The following LIN28B variants were observed in gnomAD, a reference collection of about 807,000 sequenced individuals.
LIN28B encodes lin-28 RNA binding posttranscriptional regulator B.
LIN28B carries 5 observed loss-of-function variants against 21.9 expected under a neutral mutation model. The observed-to-expected ratio is 0.23, with a 90% confidence interval of 0.12 to 0.48. LIN28B has a LOEUF of 0.48. LIN28B is among the 20% of genes least tolerant of loss of function. The pLI, the probability that LIN28B is intolerant of heterozygous loss-of-function variation, is 0.98. For missense variants in LIN28B, 245 were observed against 310.5 expected, an observed-to-expected ratio of 0.79 and a Z score of 1.58; for synonymous variants, 109 against 111.3, an observed-to-expected ratio of 0.98 and a Z score of 0.13.
intron 2 of LIN28B, among the ~76,000 whole-genome samples, chr6:105,014,318 A>T (rs371076153): frequency 2.2e-4 from 33 of 151,940 alleles, no homozygotes; most frequent in African/African-American, 8.0e-4. Flanking sequence ...TAGCCAATTT[A>T]AAAAATATTT....
chr6:104,963,884 A>T (rs1329845327), intron 2 of LIN28B, among the ~76,000 whole-genome samples: 1 of 152,246 alleles, frequency 6.6e-6, no homozygotes. Context: ...AAATAAAAAT[A>T]TGAGTGTCAA....
At chr6:105,071,975 AT>A (rs1772341287) in intron 3 of LIN28B, among the ~76,000 whole-genome samples, 1 of 152,188 alleles carries the variant, frequency 6.6e-6, no homozygotes, top group African/African-American at 2.4e-5. Context: ...AGTGTAAAGA[AT>A]CTGGATTGGA....
intron 3 of LIN28B, among the ~76,000 whole-genome samples, chr6:105,040,844 AAAG>A (rs200903762): frequency 0.015 from 1,374 of 94,120 alleles, 22 homozygotes; most frequent in African/African-American, 0.047. Context: ...CCAAAAATTG[AAAG>A]AAGATTTTCT....
At chr6:104,953,362 C>A (rs905307269), upstream of LIN28B, among the ~76,000 whole-genome samples, 4 of 152,270 alleles carry the variant, frequency 2.6e-5, no homozygotes, top group Admixed American at 2.6e-4. Flanking sequence ...CTCTCTTTGA[C>A]CGCACTTATC....
At chr6:104,996,558 G>A (rs1770609472) in intron 2 of LIN28B, among the ~76,000 whole-genome samples, 1 of 152,162 alleles carries the variant, frequency 6.6e-6, no homozygotes, top group Non-Finnish European at 1.5e-5. Context: ...CAAATGTTGG[G>A]TGTTGTTAGG....
chr6:105,000,796 C>A (rs1770703772), intron 2 of LIN28B, among the ~76,000 whole-genome samples: 1 of 152,090 alleles, frequency 6.6e-6, no homozygotes, highest in Admixed American at 6.5e-5. Context: ...CTAATTCTTA[C>A]AACAACCCTA....
chr6:105,014,257 C>T (rs923335138), intron 2 of LIN28B, among the ~76,000 whole-genome samples: 2 of 152,178 alleles, frequency 1.3e-5, no homozygotes, highest in Non-Finnish European at 2.9e-5. Context: ...AAGTGATCCT[C>T]CCACTTCAGC....
intron 3 of LIN28B, among the ~76,000 whole-genome samples, chr6:105,035,680 A>G (rs553122060): frequency 6.6e-6 from 1 of 152,214 alleles, no homozygotes; most frequent in African/African-American, 2.4e-5. Flanking sequence ...TCAAGGTACT[A>G]TTTATATAAT....
intron 2 of LIN28B, among the ~76,000 whole-genome samples, chr6:105,002,486 A>G (rs1770738883): frequency 1.3e-5 from 2 of 152,196 alleles, no homozygotes; most frequent in Admixed American, 1.3e-4. Flanking sequence ...ATTCATGCCC[A>G]TCTACGGCTG....
chr6:105,066,524 T>C (rs1582929762), intron 3 of LIN28B, among the ~76,000 whole-genome samples: 1 of 152,212 alleles, frequency 6.6e-6, no homozygotes, highest in Non-Finnish European at 1.5e-5. Context: ...TCTTGACTTC[T>C]ATACGTCTTT....
intron 2 of LIN28B, among the ~76,000 whole-genome samples, chr6:104,969,661 T>C (rs1259798050): frequency 6.6e-6 from 1 of 152,216 alleles, no homozygotes; most frequent in Non-Finnish European, 1.5e-5. Flanking sequence ...CTGTTGGTAG[T>C]GAAAGTGTGG....
chr6:104,957,917 T>C (rs1400883492), intron 1 of LIN28B, among the ~76,000 whole-genome samples, 182 bp from the exon 2 acceptor site: 1 of 152,082 alleles, frequency 6.6e-6, no homozygotes, highest in Non-Finnish European at 1.5e-5. Flanking sequence ...TCCCCCGCTT[T>C]CCTTTTAACC....
At position 105,079,081 on chromosome 6, in the gene LIN28B, T is replaced by C. The variant is rs890545399; in HGVS notation, c.*298T>C. 2 of 261,030 alleles carry C rather than the reference T, an allele frequency of 7.7e-6. No individual in the cohort carries two copies. Among genetic ancestry groups the C allele is most frequent in the Non-Finnish European group, 7.3e-6 (1 of 136,914 alleles). 16.2% of individuals were successfully genotyped at this position (261,030 alleles called of 1,614,324 possible). On this transcript the variant is annotated 3_prime_UTR_variant, in exon 4 of 4. Transcript: ENST00000345080. ...TTTTATATAGGAATGTAGACACATA[T>C]ATAAAGAGGCTTTGTCTTTATATAT...
upstream of LIN28B, among the ~76,000 whole-genome samples, chr6:104,954,772 C>T (rs1441881307): frequency 6.6e-6 from 1 of 152,176 alleles, no homozygotes; most frequent in African/African-American, 2.4e-5. Flanking sequence ...GACTGTGAAT[C>T]TCATAACTAT....
At chr6:104,958,981 T>A (rs1264615298) in intron 2 of LIN28B, among the ~76,000 whole-genome samples, 1 of 152,190 alleles carries the variant, frequency 6.6e-6, no homozygotes, top group African/African-American at 2.4e-5. Context: ...CGGCTCTTGC[T>A]TGTGTGTTTA....
chr6:104,949,506 A>G (rs1778195396), intron 2 of LIN28B, among the ~76,000 whole-genome samples: 1 of 152,170 alleles, frequency 6.6e-6, no homozygotes, highest in Non-Finnish European at 1.5e-5. Flanking sequence ...AAAAGTCTCC[A>G]TTTCCTTTTG....
chr6:105,026,239 T>C, intron 2 of LIN28B, 59 bp from the exon 3 acceptor site: 1 of 878,782 alleles, frequency 1.1e-6, no homozygotes, highest in Non-Finnish European at 1.7e-6. Context: ...AGATAATTTA[T>C]AAAGCAATGA....
intron 2 of LIN28B, among the ~76,000 whole-genome samples, chr6:104,958,929 T>A (rs34930409): frequency 9.9e-5 from 15 of 152,144 alleles, no homozygotes; most frequent in African/African-American, 3.1e-4. Context: ...ACGTATACTG[T>A]CTCTTTAAGA....
intron 3 of LIN28B, among the ~76,000 whole-genome samples, chr6:105,052,737 C>A (rs2114388111): frequency 6.6e-6 from 1 of 152,218 alleles, no homozygotes; most frequent in East Asian, 1.9e-4. Flanking sequence ...ACCAATATTC[C>A]CTTTTTTCAT....
Sources: allele counts gnomAD v4.1 joint callset (sites outside exome capture counted in the v4.1 genomes callset), GRCh38; gene constraint gnomAD v4.1.1; transcripts MANE v1.5; gene names NCBI Gene and HGNC (gene_info 2026-07-23, HGNC 2026-07-21).